IFT80: variants seen among roughly 807,000 people sequenced by gnomAD.
IFT80 encodes intraflagellar transport protein 80 homolog.
Under a neutral mutation model 107.9 loss-of-function variants are expected in IFT80, and 79 were observed. That is an observed-to-expected ratio of 0.73 (90% CI 0.61 to 0.88). The LOEUF (loss-of-function observed/expected upper bound fraction) is 0.88. Ranked by LOEUF, IFT80 falls within the 40% of genes least tolerant of loss-of-function variation. The pLI is 0.00. For synonymous variants in IFT80, 299 were observed against 300.9 expected, an observed-to-expected ratio of 0.99 and a Z score of 0.07; for missense variants, 797 against 914.2, an observed-to-expected ratio of 0.87 and a Z score of 1.65.
chr3:160,355,875 G>T (rs1382379454), intron 8 of IFT80, 138 bp downstream of exon 8: 4 of 1,033,688 alleles, frequency 3.9e-6, no homozygotes, highest in Non-Finnish European at 6.0e-6. Flanking sequence ...GATTGAACCA[G>T]CATATTAAGA....
chr3:160,370,714 T>C (rs1308270022), intron 5 of IFT80, among the ~76,000 whole-genome samples: 2 of 152,170 alleles, frequency 1.3e-5, no homozygotes, highest in African/African-American at 2.4e-5. Flanking sequence ...TCCAAAGAGA[T>C]CTCCATCACA....
chr3:160,302,811 CAT>C (rs778936379), intron 11 of IFT80, among the ~76,000 whole-genome samples: 4 of 151,980 alleles, frequency 2.6e-5, no homozygotes, highest in Admixed American at 6.6e-5. Context: ...AAATAGATAA[CAT>C]AAAATTTGAT....
chr3:160,350,687 C>T (rs947626198), intron 8 of IFT80, among the ~76,000 whole-genome samples: 2 of 151,814 alleles, frequency 1.3e-5, no homozygotes, highest in East Asian at 1.9e-4. Context: ...TGGTGATGTG[C>T]GCGTGTAGTC....
At chr3:160,273,449 G>T (rs554520000) in intron 18 of IFT80, among the ~76,000 whole-genome samples, 22 of 152,244 alleles carry the variant, frequency 1.4e-4, no homozygotes, top group African/African-American at 4.3e-4. Flanking sequence ...ATCAACTTAC[G>T]TAATGGTACT....
intron 19 of IFT80, among the ~76,000 whole-genome samples, chr3:160,266,632 C>A (rs543468403): frequency 3.3e-5 from 5 of 152,304 alleles, no homozygotes; most frequent in Non-Finnish European, 5.9e-5. Flanking sequence ...GATCCTCCTG[C>A]CTCAGCCTCC....
At chr3:160,306,377 T>C (rs576605922) in intron 10 of IFT80, among the ~76,000 whole-genome samples, 1 of 152,286 alleles carries the variant, frequency 6.6e-6, no homozygotes, top group African/African-American at 2.4e-5. Context: ...TTAAGAGCCT[T>C]ACCTTTCTTC....
intron 8 of IFT80, among the ~76,000 whole-genome samples, chr3:160,342,073 C>T (rs193283524): frequency 5.5e-4 from 83 of 152,194 alleles, no homozygotes; most frequent in Non-Finnish European, 1.0e-3. Flanking sequence ...TATTTAAAAA[C>T]AAAGAAACAA....
intron 8 of IFT80, among the ~76,000 whole-genome samples, chr3:160,338,448 CAT>C (rs767347359): frequency 2.3e-4 from 35 of 152,082 alleles, no homozygotes; most frequent in South Asian, 6.2e-4. Flanking sequence ...GCCTGGGCAA[CAT>C]AGTGATACCC....
chr3:160,305,993 T>C (rs1365962305), intron 10 of IFT80, among the ~76,000 whole-genome samples: 1 of 152,112 alleles, frequency 6.6e-6, no homozygotes, highest in African/African-American at 2.4e-5. Flanking sequence ...AAAATGCTAG[T>C]AGATTTTTAA....
chr3:160,374,469 T>C (rs771754033), intron 5 of IFT80, among the ~76,000 whole-genome samples: 6 of 151,702 alleles, frequency 4.0e-5, no homozygotes, highest in Non-Finnish European at 7.4e-5. Context: ...GATAGTGGGA[T>C]GGGCTTTTAG....
chr3:160,384,649 G>C lies in IFT80; in HGVS notation c.-46-3C>G, dbSNP rs372416663. On this transcript the variant is annotated splice_polypyrimidine_tract_variant and splice_region_variant and intron_variant, in intron 1 of 19. Transcript: ENST00000326448. The stretch of plus-strand genomic sequence containing the variant: ...AAGATGCCACTTGATTGTATTTACT[G>C]TAAAAATAAAAGGAGAGAAAATATA... 6.3e-7 allele frequency: 1 copy of C among 1,582,530 alleles called. No individual in the cohort carries two copies. The highest frequency in any genetic ancestry group is 8.7e-7 in the Non-Finnish European group (1 of 1,154,010).
At chr3:160,358,285 T>A (rs1721244222) in intron 6 of IFT80, among the ~76,000 whole-genome samples, 1 of 152,082 alleles carries the variant, frequency 6.6e-6, no homozygotes. Flanking sequence ...TGTGCGGGGA[T>A]TACAGGCGTG....
chr3:160,287,902 T>C (rs899305417), intron 12 of IFT80, among the ~76,000 whole-genome samples: 1 of 152,194 alleles, frequency 6.6e-6, no homozygotes, highest in African/African-American at 2.4e-5. Context: ...GAACAGGCAC[T>C]AGCCTCAGAG....
intron 18 of IFT80, among the ~76,000 whole-genome samples, chr3:160,270,211 G>A (rs1382065907): frequency 2.6e-5 from 4 of 152,220 alleles, no homozygotes; most frequent in Non-Finnish European, 4.4e-5. Flanking sequence ...ACATTGGCCA[G>A]GCTGGTCTTC....
At chr3:160,364,827 G>A (rs1721748398) in intron 6 of IFT80, among the ~76,000 whole-genome samples, 1 of 151,928 alleles carries the variant, frequency 6.6e-6, no homozygotes, top group Non-Finnish European at 1.5e-5. Context: ...ACAGGACAGG[G>A]AACATCACAC....
At chr3:160,348,101 A>C (rs1720427956) in intron 8 of IFT80, among the ~76,000 whole-genome samples, 1 of 152,140 alleles carries the variant, frequency 6.6e-6, no homozygotes, top group Non-Finnish European at 1.5e-5. Flanking sequence ...ATTGGGTAAA[A>C]TATATCATTT....
chr3:160,342,527 T>C lies in IFT80; in HGVS notation c.777+13486A>G, dbSNP rs571762502. On this transcript the variant is annotated intron_variant, in intron 8 of 19. Coordinates refer to ENST00000326448, the MANE Select transcript of IFT80 (RefSeq NM_020800.3). Reference sequence around the variant, plus strand: ...AAACATGACTTGACTATAAGGACTTTTAAAAGTATCTCTTCAATGCCAACC... The same window carrying C: ...AAACATGACTTGACTATAAGGACTTCTAAAAGTATCTCTTCAATGCCAACC... Among the ~76,000 whole-genome samples the C allele has an allele frequency of 2.2e-4, 33 of 152,286 alleles. No individual in the cohort carries two copies. In the East Asian group the frequency reaches 6.0e-3, roughly 28 times the overall value.
At chr3:160,309,570 C>T (rs1158013407) in intron 9 of IFT80, among the ~76,000 whole-genome samples, 1 of 152,010 alleles carries the variant, frequency 6.6e-6, no homozygotes, top group Non-Finnish European at 1.5e-5. Context: ...CCCTGTAGTC[C>T]CAGCTACTCA....
chr3:160,286,045 C>A (rs1450702815), intron 12 of IFT80, among the ~76,000 whole-genome samples, 177 bp from the exon 13 acceptor site: 2 of 152,020 alleles, frequency 1.3e-5, no homozygotes, highest in African/African-American at 4.8e-5. Flanking sequence ...AACAATAAAA[C>A]TGAATACTTC....
Sources: allele counts gnomAD v4.1 joint callset (sites outside exome capture counted in the v4.1 genomes callset), GRCh38; gene constraint gnomAD v4.1.1; transcripts MANE v1.5; gene names NCBI Gene and HGNC (gene_info 2026-07-23, HGNC 2026-07-21).